The following PTPRJ variants were observed in gnomAD, a reference collection of about 807,000 sequenced individuals.
PTPRJ encodes the protein protein tyrosine phosphatase receptor type J.
Under a neutral mutation model 141.3 loss-of-function variants are expected in PTPRJ, and 129 were observed. The observed-to-expected ratio is 0.91, with a 90% confidence interval of 0.79 to 1.06. PTPRJ has a LOEUF of 1.06. Among genes scored for constraint, PTPRJ ranks in the 50% least tolerant of loss-of-function variants. The pLI is 0.00. For synonymous variants in PTPRJ, 610 were observed against 640.5 expected (o/e 0.95, Z 0.72); for missense variants, 1,601 against 1,679.7 (o/e 0.95, Z 0.82).
At chr11:48,100,364 C>T (rs1856120751) in intron 1 of PTPRJ, among the ~76,000 whole-genome samples, 2 of 152,272 alleles carry the variant, frequency 1.3e-5, no homozygotes, top group South Asian at 4.1e-4. Context: ...CTCTCCTTCC[C>T]AAGGCTGTGC....
rs189208569 is a variant in PTPRJ, at chr11:48,139,127, C to T, written c.2153-359C>T. ...CAGCCTGGTCGACAGAGCGAGACTCCGTCTCAAAAAAAAAAGGGGGTCCTC... is the reference window on the plus strand; with the variant it reads ...CAGCCTGGTCGACAGAGCGAGACTCTGTCTCAAAAAAAAAAGGGGGTCCTC... On this transcript the variant is annotated intron_variant, in intron 10 of 24. Transcript: ENST00000418331. 2.7e-3 allele frequency among the ~76,000 whole-genome samples: 415 copies of T among 151,580 alleles called. 1 individual carries two copies. Among genetic ancestry groups the T allele is most frequent in the African/African-American group, 9.4e-3 (389 of 41,336 alleles).
At chr11:48,007,410 G>A (rs1454913139) in intron 1 of PTPRJ, among the ~76,000 whole-genome samples, 1 of 151,282 alleles carries the variant, frequency 6.6e-6, no homozygotes, top group African/African-American at 2.4e-5. Flanking sequence ...CACGGGGCCA[G>A]GCCTTTTTCT....
chr11:48,117,851 C>T (rs1856608739), intron 3 of PTPRJ, among the ~76,000 whole-genome samples: 1 of 151,922 alleles, frequency 6.6e-6, no homozygotes, highest in Non-Finnish European at 1.5e-5. Flanking sequence ...AAAAGAGACG[C>T]TACTCAAATA....
At position 48,121,168 on chromosome 11, in the gene PTPRJ, T is replaced by A. The variant is rs1388137488; in HGVS notation, c.518T>A (p.Ile173Asn). Residue 173 changes from isoleucine (I) to asparagine (N), a missense_variant, in exon 4 of 25, where the codon ATC becomes AAC. Transcript: ENST00000418331. ...GTTGTGCATCAACCATGGTGTAACA[T>A]CACAGGCTTACGTCCAGCGACTTCA... ...ITVVHQPWCN[I>N]TGLRPATSYV... The A allele has an allele frequency of 6.2e-7, 1 of 1,614,070 alleles. No homozygotes were observed. Among genetic ancestry groups the A allele is most frequent in the African/African-American group, 1.3e-5 (1 of 74,930 alleles).
intron 4 of PTPRJ, 86 bp from the exon 5 acceptor site, chr11:48,123,527 G>T: frequency 2.8e-6 from 4 of 1,403,954 alleles, no homozygotes; most frequent in East Asian, 2.3e-5. Context: ...TTTAAAACCC[G>T]CTCCCAGCAC....
rs529381434 is a variant in PTPRJ at position 48,013,911 on chromosome 11, GTGGCCCTGGGGGTTGGCTT to G, written c.96+32906_96+32924del. On this transcript the variant is annotated intron_variant, in intron 1 of 24. Transcript: ENST00000418331. ...ATCTGGCCTTTACTTGGGTATTCAT[GTGGCCCTGGGGGTTGGCTT>G]TGCTGAAGTTGGGCAGAGCAGGTGG... Among the ~76,000 whole-genome samples, 467 of 152,292 alleles carry G rather than the reference GTGGCCCTGGGGGTTGGCTT, an allele frequency of 3.1e-3. 1 individual carries two copies. Among genetic ancestry groups the G allele is most frequent in the South Asian group, 0.011 (52 of 4,814 alleles).
At chr11:48,116,612 G>A (rs917977222) in intron 3 of PTPRJ, among the ~76,000 whole-genome samples, 3 of 152,188 alleles carry the variant, frequency 2.0e-5, no homozygotes, top group Non-Finnish European at 4.4e-5. Context: ...TCCAACAGCT[G>A]TAGAATACAC....
chr11:48,119,280 A>G (rs1284205058), intron 3 of PTPRJ, among the ~76,000 whole-genome samples: 1 of 152,214 alleles, frequency 6.6e-6, no homozygotes, highest in Non-Finnish European at 1.5e-5. Flanking sequence ...TTGTCACTTT[A>G]TAAAGAGGAA....
intron 1 of PTPRJ, among the ~76,000 whole-genome samples, chr11:48,103,011 A>G (rs1370949327): frequency 6.6e-6 from 1 of 152,158 alleles, no homozygotes; most frequent in Non-Finnish European, 1.5e-5. Context: ...CCATTCTGGG[A>G]CTTACTTTCT....
intron 21 of PTPRJ, among the ~76,000 whole-genome samples, chr11:48,159,123 G>GGTGTGTGTGTC (rs1555058316): frequency 7.2e-6 from 1 of 139,466 alleles, no homozygotes; most frequent in Non-Finnish European, 1.5e-5. Flanking sequence ...TGTATGTGGG[G>GGTGTGTGTGTC]TGTGTGTGTG....
intron 1 of PTPRJ, among the ~76,000 whole-genome samples, chr11:48,054,248 A>G (rs966758287): frequency 1.3e-5 from 2 of 152,176 alleles, no homozygotes; most frequent in Non-Finnish European, 1.5e-5. Context: ...TTCACAAAAT[A>G]TATATGGCCA....
At chr11:48,053,191 AAATATATAAATATATTATATAT>A (rs1366903894) in intron 1 of PTPRJ, among the ~76,000 whole-genome samples, 1 of 100,754 alleles carries the variant, frequency 9.9e-6, no homozygotes, top group African/African-American at 4.1e-5. Flanking sequence ...ATATATATAA[AAATATATAAATATATTATATAT>A]AATATATTAA....
chr11:48,057,596 A>G (rs931956847), intron 1 of PTPRJ, among the ~76,000 whole-genome samples: 7 of 152,042 alleles, frequency 4.6e-5, no homozygotes, highest in African/African-American at 1.7e-4. Context: ...GGTAGCCCCC[A>G]TAATACTTCT....
At position 48,124,992 on chromosome 11, in the gene PTPRJ, G is replaced by A. The variant is rs991355873; in HGVS notation, c.899G>A (p.Arg300Gln). 10 of 1,613,972 alleles carry A rather than the reference G, an allele frequency of 6.2e-6. No individual in the cohort carries two copies. The highest frequency in any genetic ancestry group is 1.7e-4 in the Middle Eastern group (1 of 6,040). ...GLDASNTERS[R>Q]AGSPTAPVHD... is the part of the protein sequence containing the mutation. ...GATGCCAGCAATACAGAGAGAAGCCGGGCAGGGAGCCCCACCGCCCCTGTG... is the reference window on the plus strand; with the variant it reads ...GATGCCAGCAATACAGAGAGAAGCCAGGCAGGGAGCCCCACCGCCCCTGTG... Residue 300 changes from arginine to glutamine, a missense_variant, in exon 6 of 25, where the codon CGG becomes CAG. Coordinates refer to ENST00000418331, the MANE Select transcript of PTPRJ (RefSeq NM_002843.4).
intron 1 of PTPRJ, among the ~76,000 whole-genome samples, chr11:48,063,475 T>TTGAA (rs995689483): frequency 1.3e-4 from 20 of 152,200 alleles, no homozygotes; most frequent in African/African-American, 4.3e-4. Flanking sequence ...TAAATATTTG[T>TTGAA]TGAATGAATG....
intron 1 of PTPRJ, among the ~76,000 whole-genome samples, chr11:48,099,505 A>G (rs1856101476): frequency 1.3e-5 from 2 of 152,126 alleles, no homozygotes; most frequent in African/African-American, 4.8e-5. Context: ...CTGGCCTATT[A>G]CAGAAGACGT....
intron 1 of PTPRJ, among the ~76,000 whole-genome samples, chr11:47,996,788 C>T (rs1050318411): frequency 3.9e-5 from 6 of 152,264 alleles, no homozygotes; most frequent in South Asian, 2.1e-4. Context: ...ACTTTTGTTG[C>T]GTAGAGCAGT....
chr11:47,983,500 C>T (rs1853967195), intron 1 of PTPRJ, among the ~76,000 whole-genome samples: 1 of 152,218 alleles, frequency 6.6e-6, no homozygotes, highest in South Asian at 2.1e-4. Flanking sequence ...GGTGTGGAAG[C>T]TGGAAAGCTG....
intron 1 of PTPRJ, among the ~76,000 whole-genome samples, chr11:48,027,692 T>C (rs1368832124): frequency 7.0e-6 from 1 of 143,440 alleles, no homozygotes; most frequent in Non-Finnish European, 1.5e-5. Flanking sequence ...CTCAGGAGGC[T>C]GAGGCGGGAG....
Sources: allele counts gnomAD v4.1 joint callset (sites outside exome capture counted in the v4.1 genomes callset), GRCh38; gene constraint gnomAD v4.1.1; transcripts MANE v1.5; gene names NCBI Gene and HGNC (gene_info 2026-07-23, HGNC 2026-07-21).